HTR4: variants seen among roughly 807,000 people sequenced by gnomAD.
HTR4 encodes the protein 5-hydroxytryptamine receptor 4.
A neutral mutation model predicts 36.8 loss-of-function variants in HTR4; 16 were observed. The ratio of observed to expected loss-of-function variants is 0.43; its 90% CI spans 0.29 to 0.66. The LOEUF is 0.66. Among genes scored for constraint, HTR4 ranks in the 30% least tolerant of loss-of-function variants. The probability of loss-of-function intolerance (pLI) is 0.13; values close to 1 mark genes in which losing one functional copy is unlikely to be tolerated. For synonymous variants in HTR4, 189 were observed against 185.1 expected (o/e 1.02, Z -0.17); for missense variants, 438 against 490.9 (o/e 0.89, Z 1.02).
chr5:148,609,802 G>T (rs746523683), intron 2 of HTR4, among the ~76,000 whole-genome samples: 1 of 152,096 alleles, frequency 6.6e-6, no homozygotes, highest in Non-Finnish European at 1.5e-5. Context: ...TCCTGAACTC[G>T]TGATCCACCC....
Position 148,482,385 on chromosome 5 carries a change from C to T in HTR4, c.*818G>A, listed in dbSNP as rs966661898. On this transcript the variant is annotated 3_prime_UTR_variant, in exon 7 of 7. Coordinates refer to ENST00000377888, the MANE Select transcript of HTR4 (RefSeq NM_000870.7). ...TTTTAGAAGACGTCCCGTTCTAGCC[C>T]AGCAGGAGAGCGAGCATCTCAGGGC... 2.0e-6 allele frequency: 2 copies of T among 985,508 alleles called. No homozygotes were observed. Among genetic ancestry groups the T allele is most frequent in the South Asian group, 4.7e-5 (1 of 21,294 alleles). 61.0% of individuals were successfully genotyped at this position (985,508 alleles called of 1,614,324 possible).
At chr5:148,484,197 C>T in intron 6 of HTR4, 1 of 1,530,730 alleles carries the variant, frequency 6.5e-7, no homozygotes, top group Non-Finnish European at 8.9e-7. Context: ...GTGTCATCTG[C>T]CTTTTAGTTT....
intron 2 of HTR4, among the ~76,000 whole-genome samples, chr5:148,551,971 T>C (rs1234766861): frequency 1.3e-5 from 2 of 152,168 alleles, no homozygotes. Flanking sequence ...GAGAGGCTGC[T>C]TGTCCTGTGA....
intron 2 of HTR4, among the ~76,000 whole-genome samples, chr5:148,553,703 A>C (rs6871460): frequency 0.22 from 32,899 of 152,236 alleles, 5,606 homozygotes; most frequent in African/African-American, 0.47. Flanking sequence ...AATTATAAAA[A>C]ATAAAACAAC....
chr5:148,629,844 G>T (rs1465996684), intron 2 of HTR4: 1 of 152,078 alleles, frequency 6.6e-6, no homozygotes, highest in East Asian at 1.9e-4. Flanking sequence ...CAGTTTTTAT[G>T]CACTTATATC....
intron 2 of HTR4, among the ~76,000 whole-genome samples, chr5:148,609,741 A>AT (rs1752331928): frequency 1.3e-5 from 2 of 151,424 alleles, no homozygotes; most frequent in South Asian, 2.1e-4. Flanking sequence ...AATTTTTTGC[A>AT]TTTTTTAGTA....
At chr5:148,452,358 A>C (rs1002099798) in intron 5 of HTR4, among the ~76,000 whole-genome samples, 2 of 152,202 alleles carry the variant, frequency 1.3e-5, no homozygotes, top group African/African-American at 2.4e-5. Context: ...CATGTGTTTA[A>C]CTGGTTCTCA....
Position 148,600,436 on chromosome 5 carries a change from G to A in HTR4, c.26+36553C>T, listed in dbSNP as rs1035775203. Among the ~76,000 whole-genome samples, 8 of 149,968 alleles carry A rather than the reference G, an allele frequency of 5.3e-5. No homozygotes were observed. In the South Asian group the frequency reaches 1.7e-3, roughly 31 times the overall value. ...TAGGCTTATTTCAACAGGACTGATAGGGATGACATATTCCTATATGTAGAA... is the reference window on the plus strand; with the variant it reads ...TAGGCTTATTTCAACAGGACTGATAAGGATGACATATTCCTATATGTAGAA... On this transcript the variant is annotated intron_variant, in intron 2 of 6. Coordinates refer to ENST00000377888, the MANE Select transcript of HTR4 (RefSeq NM_000870.7).
intron 2 of HTR4, among the ~76,000 whole-genome samples, chr5:148,615,524 C>G (rs1274935875): frequency 6.9e-5 from 7 of 100,830 alleles, no homozygotes; most frequent in Admixed American, 3.3e-4. Flanking sequence ...ACTCTGGGGA[C>G]TGTTGTGGGG....
chr5:148,469,605 G>A (rs571687488), intron 5 of HTR4, among the ~76,000 whole-genome samples: 1 of 152,308 alleles, frequency 6.6e-6, no homozygotes, highest in South Asian at 2.1e-4. Context: ...TGTTTGTTTG[G>A]TCAGAGCTTT....
At chr5:148,535,522 C>T (rs918858036) in intron 4 of HTR4, among the ~76,000 whole-genome samples, 1 of 151,918 alleles carries the variant, frequency 6.6e-6, no homozygotes, top group African/African-American at 2.4e-5. Context: ...GATGAAATAG[C>T]CAGTATAAAA....
intron 6 of HTR4, among the ~76,000 whole-genome samples, chr5:148,498,022 A>T (rs1756763029): frequency 6.6e-6 from 1 of 152,246 alleles, no homozygotes; most frequent in South Asian, 2.1e-4. Context: ...ATAGTCAAAC[A>T]CAATTGCAGA....
downstream of HTR4, among the ~76,000 whole-genome samples, chr5:148,474,337 G>C (rs963253889): frequency 6.6e-6 from 1 of 151,890 alleles, no homozygotes; most frequent in Admixed American, 6.6e-5. Flanking sequence ...GGGGTGGTGT[G>C]GGGGGGCTGA....
chr5:148,539,611 T>C (rs937579789), intron 4 of HTR4, among the ~76,000 whole-genome samples: 2 of 151,980 alleles, frequency 1.3e-5, no homozygotes, highest in East Asian at 3.9e-4. Flanking sequence ...CCAACAAGCA[T>C]ATAAAAAAGA....
At chr5:148,533,765 G>C (rs1376007833) in intron 4 of HTR4, among the ~76,000 whole-genome samples, 1 of 152,144 alleles carries the variant, frequency 6.6e-6, no homozygotes, top group Non-Finnish European at 1.5e-5. Flanking sequence ...CATCTTTAAA[G>C]TTAGAATAAT....
intron 4 of HTR4, among the ~76,000 whole-genome samples, chr5:148,529,735 C>T (rs1758462700): frequency 6.6e-6 from 1 of 152,172 alleles, no homozygotes; most frequent in Admixed American, 6.6e-5. Flanking sequence ...GTATGGAGGA[C>T]TCAGAAGAAG....
In HTR4 at chr5:148,517,370, CT is replaced by C. The variant is rs375490987; in HGVS notation, c.507+5822del. Among the ~76,000 whole-genome samples the C allele has an allele frequency of 5.4e-3, 812 of 149,420 alleles. 12 individuals carry two copies. Among genetic ancestry groups the C allele is most frequent in the African/African-American group, 0.018 (743 of 40,930 alleles). Reference sequence around the variant, plus strand: ...GCATCTAATCTTTGAGAATGGTCCACTTTTTTTTTTCTTTCTGATCGGGACC... The same window carrying C: ...GCATCTAATCTTTGAGAATGGTCCACTTTTTTTTTCTTTCTGATCGGGACC... On this transcript the variant is annotated intron_variant, in intron 5 of 6. Transcript: ENST00000377888.
In HTR4 at chr5:148,562,438, G is replaced by T. The variant is rs145517521; in HGVS notation, c.27-12176C>A. ...ACTAAGTGGAAAGCAACACCCTTCC[G>T]GTTGACCACGCCAGAAACTGAGCAT... On this transcript the variant is annotated intron_variant, in intron 2 of 6. Coordinates refer to ENST00000377888, the MANE Select transcript of HTR4 (RefSeq NM_000870.7). Among the ~76,000 whole-genome samples the T allele has an allele frequency of 4.0e-3, 609 of 152,140 alleles. 5 individuals are homozygous for T. The highest frequency in any genetic ancestry group is 0.014 in the African/African-American group (580 of 41,494).
chr5:148,484,383 G>A, intron 6 of HTR4: 1 of 1,609,164 alleles, frequency 6.2e-7, no homozygotes, highest in Non-Finnish European at 8.5e-7. Context: ...ATCTGTCCTA[G>A]CAGATAAAGA....
Sources: allele counts gnomAD v4.1 joint callset (sites outside exome capture counted in the v4.1 genomes callset), GRCh38; gene constraint gnomAD v4.1.1; transcripts MANE v1.5; gene names NCBI Gene and HGNC (gene_info 2026-07-23, HGNC 2026-07-21).